TMC8: variants seen among roughly 807,000 people sequenced by gnomAD.
The protein encoded by TMC8 is transmembrane channel-like protein 8.
TMC8 carries 71 observed loss-of-function variants against 76.0 expected under a neutral mutation model. That is an observed-to-expected ratio of 0.93 (90% CI 0.77 to 1.14). The LOEUF is 1.14. Ranked by LOEUF, TMC8 falls within the 50% of genes most tolerant of loss-of-function variation. The pLI is 0.00. For missense variants in TMC8, 924 were observed against 947.9 expected, an observed-to-expected ratio of 0.97 and a Z score of 0.33; for synonymous variants, 433 against 433.8, an observed-to-expected ratio of 1.00 and a Z score of 0.02.
In TMC8 at chr17:78,132,027, G is replaced by T; in HGVS notation, c.295G>T (p.Gly99Trp). The T allele has an allele frequency of 6.5e-7, 1 of 1,533,982 alleles. No homozygotes were observed. Among genetic ancestry groups the T allele is most frequent in the Non-Finnish European group, 8.7e-7 (1 of 1,145,990 alleles). ...GLWEGALYEI[G>W]GLFGTGIRSY... ...CTGGGAGGGGGCGCTCTACGAGATC[G>T]GGGGTAGGACCCGCGCGACCCGCAC... The change falls in exon 3 of 16, where the codon GGG (glycine) becomes TGG (tryptophan). Residue 99 changes from glycine to tryptophan, a missense_variant. Transcript: ENST00000318430.
intron 9 of TMC8, 42 bp downstream of exon 9, chr17:78,135,051 G>A: frequency 1.2e-6 from 2 of 1,612,854 alleles, no homozygotes; most frequent in South Asian, 1.1e-5. Flanking sequence ...CATGTAACAA[G>A]TCTGCATCCT....
chr17:78,139,218 G>A lies in TMC8; in HGVS notation c.1880G>A (p.Arg627Lys), dbSNP rs1315682600. The A allele has an allele frequency of 1.2e-6, 2 of 1,613,594 alleles. No homozygotes were observed. Among genetic ancestry groups the A allele is most frequent in the South Asian group, 2.2e-5 (2 of 91,094 alleles). Residue 627 changes from arginine to lysine, a missense_variant, in exon 15 of 16, where the codon AGG (arginine) becomes AAG (lysine). By Grantham distance (26) the Arg-to-Lys change is conservative (BLOSUM62 2). Transcript: ENST00000318430. ...CAGGCCAATGCCAGGGCCATCCACA[G>A]GCTCCGGAAGCAGCTGGTGTGGGTG... is the stretch of plus-strand genomic sequence containing the variant. The part of the protein sequence containing the change: ...QTQANARAIH[R>K]LRKQLVWQVQ...
Position 78,137,360 on chromosome 17 carries a change from T to A in TMC8, c.1251+2T>A. On this transcript the variant is annotated splice_donor_variant, in intron 10 of 15. Coordinates refer to ENST00000318430, the MANE Select transcript of TMC8 (RefSeq NM_152468.5). LOFTEE classifies it high-confidence loss of function. ...GGCTACAACGTTTGTGACTATCAGG[T>A]GGCTGGCAGCCCGGCGGGGCCTGTC... 1 of 1,613,866 alleles carries A rather than the reference T, an allele frequency of 6.2e-7. No homozygotes were observed. The highest frequency in any genetic ancestry group is 8.5e-7 in the Non-Finnish European group (1 of 1,179,982).
At chr17:78,132,313 A>AGCCCCG in intron 3 of TMC8, 46 bp from the exon 4 acceptor site, 2 of 1,605,992 alleles carry the variant, frequency 1.2e-6, no homozygotes, top group Non-Finnish European at 1.7e-6. Context: ...GCGCGGCCCC[A>AGCCCCG]GCCCCGGCCC....
Position 78,133,902 on chromosome 17 carries a change from G to C in TMC8, c.718G>C (p.Ala240Pro). 1 of 1,613,520 alleles carries C rather than the reference G, an allele frequency of 6.2e-7. No homozygotes were observed. Among genetic ancestry groups the C allele is most frequent in the Non-Finnish European group, 8.5e-7 (1 of 1,180,044 alleles). ...GACTCTGCTGGGTCAGGGCTATCAG[G>C]CGCCTCTCAGCGCCAAGGTCTTCTC... ...QKTLLGQGYQ[A>P]PLSAKVFSSW... Residue 240 changes from alanine to proline, a missense_variant, in exon 7 of 16, where the codon GCG becomes CCG. By Grantham distance (27) the Ala-to-Pro change is conservative. Transcript: ENST00000318430.
rs765872959 is a variant in TMC8 at position 78,133,876 on chromosome 17, A to G, written c.692A>G (p.Lys231Arg). The change falls in exon 7 of 16, where the codon AAG becomes AGG. Residue 231 changes from lysine to arginine, a missense_variant. Physicochemically the swap from Lys to Arg is conservative, Grantham distance 26. Coordinates refer to ENST00000318430, the MANE Select transcript of TMC8 (RefSeq NM_152468.5). Reference sequence around the variant, plus strand: ...AGGATGGTGAAGGGGCTGCCGCAGAAGACTCTGCTGGGTCAGGGCTATCAG... The same window carrying G: ...AGGATGGTGAAGGGGCTGCCGCAGAGGACTCTGCTGGGTCAGGGCTATCAG... ...LRRMVKGLPQ[K>R]TLLGQGYQAP... 26 of 1,613,356 alleles carry G rather than the reference A, an allele frequency of 1.6e-5. No homozygotes were observed. The highest frequency in any genetic ancestry group is 9.3e-6 in the Non-Finnish European group (11 of 1,180,038).
rs78968121 is a variant in TMC8, at chr17:78,135,719, C to T, written c.1127+710C>T. On this transcript the variant is annotated intron_variant, in intron 9 of 15. Coordinates refer to ENST00000318430, the MANE Select transcript of TMC8 (RefSeq NM_152468.5). ...GTCACCACTTGCCCTAACTGCTTTT[C>T]CCTCTGCTTCCTCAAAGTCAGCTGT... Among the ~76,000 whole-genome samples the T allele has an allele frequency of 5.7e-3, 875 of 152,328 alleles. 6 individuals carry two copies. Among genetic ancestry groups the T allele is most frequent in the African/African-American group, 0.019 (809 of 41,572 alleles).
At chr17:78,139,605 T>A (rs2075322283) in intron 15 of TMC8, among the ~76,000 whole-genome samples, 1 of 151,678 alleles carries the variant, frequency 6.6e-6, no homozygotes, top group African/African-American at 2.4e-5. Context: ...AAAAGGAGAA[T>A]GTGGCCGGGC....
At position 78,138,382 on chromosome 17, in the gene TMC8, C is replaced by A. The variant is rs147103093; in HGVS notation, c.1567C>A (p.Arg523=). ...CCTGAAGAACTCCAGGGCATCTTCG[C>A]GGCCCTTCCGTGCCTCCAGCTCCAC... is the stretch of plus-strand genomic sequence containing the variant. The part of the protein sequence containing the change: ...TLLKNSRASS[R]PFRASSSTFF... The change falls in exon 13 of 16, where the codon CGG becomes AGG. Residue 523 remains arginine, a synonymous_variant. Transcript: ENST00000318430. 6.2e-7 allele frequency: 1 copy of A among 1,611,712 alleles called. No homozygotes were observed. The highest frequency in any genetic ancestry group is 8.5e-7 in the Non-Finnish European group (1 of 1,179,996).
rs1568016571 is a variant in TMC8 at position 78,133,497 on chromosome 17, G to GC, written c.626dup (p.Leu210AlafsTer57). On this transcript the variant is annotated frameshift_variant, in exon 6 of 16. Transcript: ENST00000318430. LOFTEE classifies it high-confidence loss of function. ...AGCATCCGCCTGGCCTACCTCCTCA[G>GC]CCCGCTGGCCTGCCTGCTCCTCTGC... The GC allele has an allele frequency of 6.2e-7, 1 of 1,613,580 alleles. No homozygotes were observed.
At position 78,131,949 on chromosome 17, in the gene TMC8, G is replaced by A; in HGVS notation, c.217G>A (p.Val73Met). Residue 73 changes from valine (V) to methionine (M), a missense_variant, in exon 3 of 16, where the codon GTG (valine) becomes ATG (methionine). By Grantham distance (21) the Val-to-Met change is conservative. Transcript: ENST00000318430. ...GCGGTGGCAGCGCCGGCGGCAGACG[G>A]TGGAAAGGCGCCTGCGGGAGGCAGC... Reference protein sequence around the residue: ...WQRWQRRRQTVERRLREAAQR... With the variant: ...WQRWQRRRQTMERRLREAAQR... The A allele has an allele frequency of 6.6e-7, 1 of 1,516,432 alleles. No homozygotes were observed. The highest frequency in any genetic ancestry group is 1.2e-5 in the South Asian group (1 of 82,464). The allele number at this position is 1,516,432 out of a possible 1,614,324, so 93.9% of individuals were successfully genotyped here.
In TMC8 at chr17:78,132,005, G is replaced by T; in HGVS notation, c.273G>T (p.Trp91Cys). The T allele has an allele frequency of 6.5e-7, 1 of 1,532,498 alleles. No homozygotes were observed. Among genetic ancestry groups the T allele is most frequent in the Non-Finnish European group, 8.7e-7 (1 of 1,145,398 alleles). The allele number at this position is 1,532,498 out of a possible 1,614,324, so 94.9% of individuals were successfully genotyped here. ...AQRLARGLGL[W>C]EGALYEIGGL... ...GGCTGGCCCGGGGCCTTGGGCTCTGGGAGGGGGCGCTCTACGAGATCGGGG... is the reference window on the plus strand; with the variant it reads ...GGCTGGCCCGGGGCCTTGGGCTCTGTGAGGGGGCGCTCTACGAGATCGGGG... Residue 91 changes from tryptophan to cysteine, a missense_variant, in exon 3 of 16, where the codon TGG becomes TGT. Coordinates refer to ENST00000318430, the MANE Select transcript of TMC8 (RefSeq NM_152468.5).
Position 78,137,215 on chromosome 17 carries a change from G to C in TMC8, c.1128-20G>C, listed in dbSNP as rs1190943100. The C allele has an allele frequency of 1.2e-6, 2 of 1,613,150 alleles. No individual in the cohort carries two copies. The highest frequency in any genetic ancestry group is 8.5e-7 in the Non-Finnish European group (1 of 1,179,780). ...CCCATGTGCCTGGGCCCCTCCACCT[G>C]ACAAGGTCCCTGCCCCCAGGTGCGT... On this transcript the variant is annotated intron_variant, in intron 9 of 15. Coordinates refer to ENST00000318430, the MANE Select transcript of TMC8 (RefSeq NM_152468.5).
Position 78,131,461 on chromosome 17 carries a change from CGGAA to C in TMC8, c.-125_-122del. 7.3e-7 allele frequency: 1 copy of C among 1,361,646 alleles called. No homozygotes were observed. Among genetic ancestry groups the C allele is most frequent in the Admixed American group, 2.0e-5 (1 of 49,898 alleles). 84.3% of individuals were successfully genotyped at this position (1,361,646 alleles called of 1,614,324 possible). On this transcript the variant is annotated 5_prime_UTR_variant, in exon 2 of 16. It removes the in-frame stop codon of an upstream open reading frame in the 5' UTR. Transcript: ENST00000318430. Reference sequence around the variant, plus strand: ...GGCCCCGACGCCGGCGCAGAGGGGACGGAAGGGCCCGCCCCCAGCCCAGCGTGCA... The same window carrying C: ...GGCCCCGACGCCGGCGCAGAGGGGACGGGCCCGCCCCCAGCCCAGCGTGCA...
intron 5 of TMC8, 69 bp from the exon 6 acceptor site, chr17:78,133,337 C>A (rs2075094870): frequency 3.1e-6 from 5 of 1,611,160 alleles, no homozygotes; most frequent in South Asian, 1.1e-5. Context: ...CTAACAAGAT[C>A]ATATATGGAA....
intron 9 of TMC8, among the ~76,000 whole-genome samples, chr17:78,135,631 CAG>C (rs1598914664): frequency 6.6e-6 from 1 of 152,190 alleles, no homozygotes; most frequent in Non-Finnish European, 1.5e-5. Context: ...CATCCAGCTG[CAG>C]AAATTCTTGT....
chr17:78,137,752 G>C lies in TMC8; in HGVS notation c.1287G>C (p.Lys429Asn). The C allele has an allele frequency of 6.2e-7, 1 of 1,613,666 alleles. No individual in the cohort carries two copies. The highest frequency in any genetic ancestry group is 8.5e-7 in the Non-Finnish European group (1 of 1,180,020). Residue 429 changes from lysine (K) to asparagine (N), a missense_variant, in exon 11 of 16, where the codon AAG becomes AAC. Coordinates refer to ENST00000318430, the MANE Select transcript of TMC8 (RefSeq NM_152468.5). ...WENSVGEELYKLSIFNFLLTV... is the reference protein window; with the variant it reads ...WENSVGEELYNLSIFNFLLTV... ...ACTCCGTGGGGGAGGAGCTGTACAAGCTGAGTATCTTCAACTTCCTCCTCA... is the reference window on the plus strand; with the variant it reads ...ACTCCGTGGGGGAGGAGCTGTACAACCTGAGTATCTTCAACTTCCTCCTCA...
Position 78,137,316 on chromosome 17 carries a change from G to A in TMC8, c.1209G>A (p.Lys403=), listed in dbSNP as rs76467743. 1,648 of 1,614,012 alleles carry A rather than the reference G, an allele frequency of 1.0e-3. 14 individuals carry two copies. The African/African-American group carries it at 0.019, about 18-fold the overall frequency. The change falls in exon 10 of 16, where the codon AAG becomes AAA. Residue 403 remains lysine (K), a synonymous_variant. Transcript: ENST00000318430. ...GQTILCIGRD[K]SSCESYGYNV... is the part of the protein sequence containing the mutation. ...CCATACTGTGCATTGGCAGAGACAA[G>A]AGCAGCTGTGAGTCCTACGGCTACA...
rs1020407106 is a variant in TMC8 at position 78,142,721 on chromosome 17, C to A, written c.*1609C>A. 1.3e-5 allele frequency: 2 copies of A among 152,242 alleles called. No homozygotes were observed. The highest frequency in any genetic ancestry group is 1.3e-4 in the Admixed American group (2 of 15,268). The allele number at this position is 152,242 out of a possible 1,614,324, so 9.4% of individuals were successfully genotyped here. On this transcript the variant is annotated 3_prime_UTR_variant, in exon 16 of 16. Transcript: ENST00000318430. ...AAGGTGGCCCCTGGACCAGTGGCCT[C>A]AGCATCACCTGGGAAAAGGTTAGAA...
Sources: allele counts gnomAD v4.1 joint callset (sites outside exome capture counted in the v4.1 genomes callset), GRCh38; gene constraint gnomAD v4.1.1; transcripts MANE v1.5; gene names NCBI Gene and HGNC (gene_info 2026-07-23, HGNC 2026-07-21).